The following DPF3 variants were observed in gnomAD, a reference collection of about 807,000 sequenced individuals.
DPF3 encodes the protein zinc finger protein DPF3.
A neutral mutation model predicts 56.8 loss-of-function variants in DPF3; 18 were observed. The ratio of observed to expected loss-of-function variants is 0.32; its 90% confidence interval spans 0.22 to 0.47. DPF3 has a LOEUF of 0.47. Among genes scored for constraint, DPF3 ranks in the 20% least tolerant of loss-of-function variants. The pLI is 1.00. For synonymous variants in DPF3, 188 were observed against 180.2 expected (o/e 1.04, Z -0.35); for missense variants, 403 against 488.8 (o/e 0.82, Z 1.65).
intron 1 of DPF3, chr14:72,835,942 G>A (rs761421299): frequency 1.3e-5 from 9 of 703,450 alleles, no homozygotes; most frequent in Middle Eastern, 7.2e-4. Flanking sequence ...TTGACTCTTC[G>A]ACACCTAAAA....
At chr14:72,782,087 CAG>C (rs1891998566) in intron 1 of DPF3, among the ~76,000 whole-genome samples, 1 of 152,178 alleles carries the variant, frequency 6.6e-6, no homozygotes, top group African/African-American at 2.4e-5. Flanking sequence ...CTTAGACAAA[CAG>C]ATCCCCAGCC....
Position 72,819,087 on chromosome 14 carries a change from C to T in DPF3, c.33-47194G>A, listed in dbSNP as rs888399785. Among the ~76,000 whole-genome samples, 8 of 152,276 alleles carry T rather than the reference C, an allele frequency of 5.3e-5. No individual in the cohort carries two copies. The South Asian group carries it at 1.0e-3, about 20-fold the overall frequency. On this transcript the variant is annotated intron_variant, in intron 1 of 10. Transcript: ENST00000556509. ...CACAAAAGAAGATAGCCAATAAGCA[C>T]GTGAAAATATGCTCAGCATCATCAG...
chr14:72,809,634 G>C (rs1882948736), intron 1 of DPF3, among the ~76,000 whole-genome samples: 1 of 152,168 alleles, frequency 6.6e-6, no homozygotes, highest in Non-Finnish European at 1.5e-5. Context: ...GGAAGAGAAA[G>C]GGAAGGTGGC....
chr14:72,863,146 ATGTGTGTGTGTGTGTG>A (rs57171669), intron 1 of DPF3, among the ~76,000 whole-genome samples: 13 of 140,686 alleles, frequency 9.2e-5, no homozygotes, highest in Admixed American at 1.5e-4. Flanking sequence ...GTATATATAT[ATGTGTGTGTGTGTGTG>A]TGTGTGTGTG....
At chr14:72,775,603 C>CT (rs1297653889) in intron 1 of DPF3, among the ~76,000 whole-genome samples, 2 of 152,254 alleles carry the variant, frequency 1.3e-5, no homozygotes, top group East Asian at 1.9e-4. Flanking sequence ...TAAATATAAT[C>CT]TTTGTGTGAA....
chr14:72,890,655 T>C (rs1886715728), intron 1 of DPF3, among the ~76,000 whole-genome samples: 1 of 152,208 alleles, frequency 6.6e-6, no homozygotes, highest in African/African-American at 2.4e-5. Flanking sequence ...CTTGTATATG[T>C]AAGAAATGAG....
intron 5 of DPF3, among the ~76,000 whole-genome samples, chr14:72,718,245 G>A (rs1386078856): frequency 2.0e-5 from 3 of 152,218 alleles, no homozygotes; most frequent in Non-Finnish European, 4.4e-5. Context: ...ATTTGGGGCA[G>A]TGGCCTGGCA....
chr14:72,641,322 G>T (rs1415482424), intron 8 of DPF3, among the ~76,000 whole-genome samples: 1 of 152,212 alleles, frequency 6.6e-6, no homozygotes, highest in Non-Finnish European at 1.5e-5. Flanking sequence ...CGTGCACAAT[G>T]ATCTCAGGAA....
intron 1 of DPF3, among the ~76,000 whole-genome samples, chr14:72,837,745 T>G (rs1191211825): frequency 1.3e-5 from 2 of 150,198 alleles, no homozygotes; most frequent in Non-Finnish European, 3.0e-5. Flanking sequence ...CTCGAAAAAA[T>G]AAAAAAAGAA....
chr14:72,800,144 T>C (rs1218297447), intron 1 of DPF3, among the ~76,000 whole-genome samples: 2 of 152,164 alleles, frequency 1.3e-5, no homozygotes, highest in Non-Finnish European at 2.9e-5. Flanking sequence ...CAAATACCTC[T>C]AGGCTGCTTG....
At chr14:72,651,531 G>A (rs1454817344) in intron 8 of DPF3, among the ~76,000 whole-genome samples, 3 of 152,180 alleles carry the variant, frequency 2.0e-5, no homozygotes, top group Admixed American at 6.5e-5. Context: ...GAAGACAGGG[G>A]GATGGAAGAA....
At chr14:72,751,056 G>A (rs10136771) in intron 3 of DPF3, among the ~76,000 whole-genome samples, 90,682 of 151,798 alleles carry the variant, frequency 0.6, 27,518 homozygotes, top group Middle Eastern at 0.74. Flanking sequence ...CAGACATGGT[G>A]GCATGCACTT....
In DPF3 at chr14:72,732,018, C is replaced by T; in HGVS notation, c.302-84G>A. 6 of 1,510,550 alleles carry T rather than the reference C, an allele frequency of 4.0e-6. No individual in the cohort carries two copies. The South Asian group carries it at 7.5e-5, about 19-fold the overall frequency. 93.6% of individuals were successfully genotyped at this position (1,510,550 alleles called of 1,614,324 possible). A position where few individuals can be genotyped will look rare whatever the true frequency, so the allele number is the denominator to read the frequency against. On this transcript the variant is annotated intron_variant, in intron 3 of 10. Coordinates refer to ENST00000556509, the MANE Select transcript of DPF3 (RefSeq NM_001280542.3). ...ACAGTCCTGGAGGACACGCAGGGCCCAGGGCTCCTGAGGAGGACTCGGGGC... is the reference window on the plus strand; with the variant it reads ...ACAGTCCTGGAGGACACGCAGGGCCTAGGGCTCCTGAGGAGGACTCGGGGC...
At chr14:72,754,091 C>T (rs1287252448) in intron 2 of DPF3, among the ~76,000 whole-genome samples, 1 of 152,112 alleles carries the variant, frequency 6.6e-6, no homozygotes, top group Admixed American at 6.5e-5. Flanking sequence ...CCAACAGCAT[C>T]ACTGTCATGC....
At chr14:72,748,790 C>T (rs1890433381) in intron 3 of DPF3, among the ~76,000 whole-genome samples, 1 of 152,212 alleles carries the variant, frequency 6.6e-6, no homozygotes, top group African/African-American at 2.4e-5. Context: ...AGCCTCAAGC[C>T]TTGACAAATT....
intron 1 of DPF3, chr14:72,892,055 T>TA: frequency 7.4e-7 from 1 of 1,359,714 alleles, no homozygotes. Flanking sequence ...CTGGAGCGAG[T>TA]AGGGGAACAC....
chr14:72,783,659 G>A (rs1381355375), intron 1 of DPF3, among the ~76,000 whole-genome samples: 1 of 152,206 alleles, frequency 6.6e-6, no homozygotes, highest in Non-Finnish European at 1.5e-5. Flanking sequence ...GGGTGAGGTA[G>A]ATAAACGATG....
chr14:72,716,172 G>A (rs1822733454), intron 5 of DPF3, among the ~76,000 whole-genome samples: 3 of 151,978 alleles, frequency 2.0e-5, no homozygotes, highest in Admixed American at 2.0e-4. Context: ...GGGAAGGGGA[G>A]GAGTCGAGCA....
chr14:72,684,504 CT>C (rs34288955), intron 7 of DPF3, among the ~76,000 whole-genome samples: 94,764 of 149,344 alleles, frequency 0.63, 32,506 homozygotes, highest in East Asian at 0.88. Context: ...CAGGCTCAAG[CT>C]TTTTTTTTTA....
Sources: gnomAD v4.1 joint callset for allele counts (sites outside exome capture counted in the v4.1 genomes callset) on GRCh38, gnomAD v4.1.1 for gene constraint, MANE v1.5 for transcripts, NCBI Gene and HGNC (gene_info 2026-07-23, HGNC 2026-07-21) for gene names.